CTNND2: variants seen among roughly 807,000 people sequenced by gnomAD.
CTNND2 encodes catenin delta-2.
CTNND2 carries 22 observed loss-of-function variants against 144.4 expected under a neutral mutation model. The ratio of observed to expected loss-of-function variants is 0.15; its 90% CI spans 0.11 to 0.22. The LOEUF is 0.22. Among genes scored for constraint, CTNND2 ranks in the 10% least tolerant of loss-of-function variants. CTNND2 has a pLI of 1.00. For synonymous variants in CTNND2, 751 were observed against 695.6 expected (o/e 1.08, Z -1.25); for missense variants, 1,353 against 1,618.8 (o/e 0.84, Z 2.82).
intron 14 of CTNND2, among the ~76,000 whole-genome samples, chr5:11,102,209 G>A (rs543814944): frequency 6.6e-6 from 1 of 152,090 alleles, no homozygotes; most frequent in Non-Finnish European, 1.5e-5. Context: ...AGTATCCCTT[G>A]AGTCTTACAG....
Position 11,117,479 on chromosome 5 carries a change from C to T in CTNND2, c.2248G>A (p.Ala750Thr). Residue 750 changes from alanine to threonine, a missense_variant, in exon 13 of 22, where the codon GCG becomes ACG. By Grantham distance (58) the Ala-to-Thr change is moderately conservative. Transcript: ENST00000304623. ...CTATCGATCTCACTGCTCCCCAGCG[C>T]AGACTGGATCACGTACAGCAAGGCA... ...TDALLYVIQS[A>T]LGSSEIDSKT... 1 of 1,614,138 alleles carries T rather than the reference C, an allele frequency of 6.2e-7. No individual in the cohort carries two copies. Among genetic ancestry groups the T allele is most frequent in the Non-Finnish European group, 8.5e-7 (1 of 1,179,984 alleles).
chr5:11,660,780 A>G (rs1211870928), intron 2 of CTNND2, among the ~76,000 whole-genome samples: 1 of 152,192 alleles, frequency 6.6e-6, no homozygotes, highest in African/African-American at 2.4e-5. Context: ...TGATATAATA[A>G]CCTTAAAAAT....
At chr5:11,716,121 T>G (rs1278093776) in intron 2 of CTNND2, among the ~76,000 whole-genome samples, 1 of 152,198 alleles carries the variant, frequency 6.6e-6, no homozygotes, top group Non-Finnish European at 1.5e-5. Context: ...ATCTGGACTA[T>G]TCACAGAGTG....
intron 14 of CTNND2, 135 bp from the exon 15 acceptor site, chr5:11,098,883 A>G (rs1246235446): frequency 1.4e-6 from 1 of 732,252 alleles, no homozygotes; most frequent in Non-Finnish European, 2.2e-6. Context: ...CACGGAGGCT[A>G]TTGCATCAGC....
At chr5:11,285,477 A>G (rs1423548237) in intron 9 of CTNND2, among the ~76,000 whole-genome samples, 1 of 152,224 alleles carries the variant, frequency 6.6e-6, no homozygotes, top group East Asian at 1.9e-4. Flanking sequence ...GTTCTGGAAA[A>G]GACTAGAGGA....
intron 3 of CTNND2, among the ~76,000 whole-genome samples, chr5:11,510,753 A>G (rs947664760): frequency 1.5e-4 from 23 of 152,148 alleles, no homozygotes; most frequent in African/African-American, 5.5e-4. Context: ...CAACATGGTG[A>G]AACCCCGTCT....
intron 1 of CTNND2, among the ~76,000 whole-genome samples, chr5:11,751,965 T>C (rs1335225933): frequency 1.3e-5 from 2 of 151,908 alleles, no homozygotes; most frequent in African/African-American, 4.8e-5. Context: ...TAATGATTCA[T>C]GATGTTAAGT....
At chr5:10,993,006 T>C (rs975257267) in intron 18 of CTNND2, among the ~76,000 whole-genome samples, 1 of 152,162 alleles carries the variant, frequency 6.6e-6, no homozygotes, top group East Asian at 1.9e-4. Context: ...AAACTGTCTA[T>C]TTTTTGCCGA....
At chr5:11,893,301 G>A (rs1462866331) in intron 1 of CTNND2, among the ~76,000 whole-genome samples, 1 of 152,118 alleles carries the variant, frequency 6.6e-6, no homozygotes, top group African/African-American at 2.4e-5. Flanking sequence ...TGTTTGAAAA[G>A]GATAGAAATA....
intron 16 of CTNND2, among the ~76,000 whole-genome samples, chr5:11,065,593 T>G (rs942802235): frequency 1.3e-5 from 2 of 152,220 alleles, no homozygotes; most frequent in Non-Finnish European, 2.9e-5. Context: ...TTTTATCTGT[T>G]ACCTCTTCCC....
chr5:11,370,932 A>G (rs1484274188), intron 7 of CTNND2, among the ~76,000 whole-genome samples: 1 of 152,238 alleles, frequency 6.6e-6, no homozygotes, highest in Non-Finnish European at 1.5e-5. Flanking sequence ...GATATGAAGA[A>G]AAATCCAAAA....
intron 21 of CTNND2, among the ~76,000 whole-genome samples, chr5:10,974,292 T>G (rs1455113755): frequency 1.3e-5 from 2 of 152,192 alleles, no homozygotes. Context: ...CTGAATAATA[T>G]TCCACTGTAT....
At chr5:11,546,369 T>C (rs1471575913) in intron 3 of CTNND2, among the ~76,000 whole-genome samples, 4 of 152,106 alleles carry the variant, frequency 2.6e-5, no homozygotes, top group African/African-American at 7.2e-5. Flanking sequence ...AAAAAGGTTG[T>C]CTGCTCTCCC....
chr5:11,613,577 C>A (rs1780435377), intron 2 of CTNND2, among the ~76,000 whole-genome samples: 1 of 152,176 alleles, frequency 6.6e-6, no homozygotes, highest in East Asian at 1.9e-4. Context: ...TATGTATTAA[C>A]CTATGTTTTC....
At chr5:11,632,552 C>G (rs1319161684) in intron 2 of CTNND2, among the ~76,000 whole-genome samples, 2 of 151,958 alleles carry the variant, frequency 1.3e-5, no homozygotes, top group Admixed American at 1.3e-4. Flanking sequence ...CAGCTTTCAA[C>G]CAAAAAAGTT....
At chr5:11,338,216 A>G (rs1349677061) in intron 9 of CTNND2, among the ~76,000 whole-genome samples, 3 of 152,184 alleles carry the variant, frequency 2.0e-5, no homozygotes, top group African/African-American at 7.2e-5. Flanking sequence ...TTTAGCTGCT[A>G]TATGTTGGCT....
At chr5:11,578,981 G>C (rs1778196913) in intron 2 of CTNND2, among the ~76,000 whole-genome samples, 1 of 152,116 alleles carries the variant, frequency 6.6e-6, no homozygotes, top group African/African-American at 2.4e-5. Context: ...GGGACAACAG[G>C]ATTGATTTTA....
intron 16 of CTNND2, among the ~76,000 whole-genome samples, chr5:11,035,835 T>G (rs983637795): frequency 2.9e-5 from 4 of 137,292 alleles, no homozygotes; most frequent in Non-Finnish European, 4.6e-5. Flanking sequence ...TGGTTTATAA[T>G]GCCTGGAAAT....
intron 9 of CTNND2, among the ~76,000 whole-genome samples, chr5:11,239,731 C>T (rs941566213): frequency 1.3e-5 from 2 of 152,188 alleles, no homozygotes; most frequent in African/African-American, 4.8e-5. Flanking sequence ...GTCCTCCTGT[C>T]CCCTGGCCTG....
Sources: gnomAD v4.1 joint callset for allele counts (sites outside exome capture counted in the v4.1 genomes callset) on GRCh38, gnomAD v4.1.1 for gene constraint, MANE v1.5 for transcripts, NCBI Gene and HGNC (gene_info 2026-07-23, HGNC 2026-07-21) for gene names.